MKLN1: variants seen among roughly 807,000 people sequenced by gnomAD.
MKLN1 encodes the protein muskelin 1, also known as muskelin.
MKLN1 carries 18 observed loss-of-function variants against 99.0 expected under a neutral mutation model. The observed-to-expected ratio is 0.18, with a 90% CI of 0.13 to 0.27. MKLN1 has a LOEUF of 0.27. Among genes scored for constraint, MKLN1 ranks in the 10% least tolerant of loss-of-function variants. The pLI is 1.00. For missense variants in MKLN1, 621 were observed against 875.9 expected (o/e 0.71, Z 3.67); for synonymous variants, 288 against 293.2 (o/e 0.98, Z 0.18).
intron 3 of MKLN1, among the ~76,000 whole-genome samples, chr7:131,316,332 G>T (rs1281112926): frequency 6.6e-6 from 1 of 152,202 alleles, no homozygotes; most frequent in Non-Finnish European, 1.5e-5. Flanking sequence ...AGGATGTTTA[G>T]CAAACTGCAG....
At chr7:131,157,786 G>T (rs997043258) in intron 2 of MKLN1, among the ~76,000 whole-genome samples, 1 of 152,134 alleles carries the variant, frequency 6.6e-6, no homozygotes, top group Admixed American at 6.5e-5. Context: ...AAAGAAAGAG[G>T]TAGAGAGACC....
chr7:131,327,896 C>G lies in MKLN1; in HGVS notation c.-4C>G, dbSNP rs1324064175. 3 of 1,612,248 alleles carry G rather than the reference C, an allele frequency of 1.9e-6. No individual in the cohort carries two copies. Among genetic ancestry groups the G allele is most frequent in the Non-Finnish European group, 2.5e-6 (3 of 1,179,790 alleles). On this transcript the variant is annotated 5_prime_UTR_variant, in exon 1 of 18. Coordinates refer to ENST00000352689, the MANE Select transcript of MKLN1 (RefSeq NM_013255.5). ...TCGGTGGCGGCCGCTACGGTGCTGA[C>G]AAGATGGCGGCTGGCGGAGCTGTCG...
chr7:131,191,278 A>G (rs1304374361), intron 2 of MKLN1, among the ~76,000 whole-genome samples: 1 of 152,252 alleles, frequency 6.6e-6, no homozygotes, highest in Non-Finnish European at 1.5e-5. Context: ...AGTTGCCAGA[A>G]GGCTGCTTAC....
At chr7:131,463,427 TCAAAAAAGA>T (rs1317070757) in intron 13 of MKLN1, 63 bp downstream of exon 13, 1 of 1,492,988 alleles carries the variant, frequency 6.7e-7, no homozygotes, top group African/African-American at 1.4e-5. Context: ...GTTGGTTTAT[TCAAAAAAGA>T]GAGAAATGAG....
intron 2 of MKLN1, among the ~76,000 whole-genome samples, chr7:131,147,555 A>G (rs1563231271): frequency 6.6e-6 from 1 of 151,810 alleles, no homozygotes; most frequent in African/African-American, 2.4e-5. Context: ...AATATCTGCG[A>G]CTCTGTTCTA....
intron 2 of MKLN1, among the ~76,000 whole-genome samples, chr7:131,157,189 G>A (rs1079029): frequency 0.45 from 67,806 of 151,958 alleles, 16,674 homozygotes; most frequent in Non-Finnish European, 0.57. Flanking sequence ...AAACCAGTCC[G>A]GGCAACATGG....
intron 8 of MKLN1, among the ~76,000 whole-genome samples, chr7:131,423,781 T>C (rs968084000): frequency 6.6e-6 from 1 of 152,238 alleles, no homozygotes. Flanking sequence ...AATGTGCATC[T>C]TTCTTTTACA....
chr7:131,227,459 GTTTC>G (rs1320069298), intron 3 of MKLN1, among the ~76,000 whole-genome samples: 96 of 81,136 alleles, frequency 1.2e-3, no homozygotes, highest in Admixed American at 8.1e-4. Context: ...TCTCTTCTTT[GTTTC>G]TTTCTTTCTT....
At chr7:131,428,487 G>T (rs1176430742) in intron 8 of MKLN1, among the ~76,000 whole-genome samples, 2 of 152,106 alleles carry the variant, frequency 1.3e-5, no homozygotes, top group Non-Finnish European at 2.9e-5. Flanking sequence ...CATTGTTTTT[G>T]ATATAGCAAT....
chr7:131,409,280 G>A (rs367798620), intron 6 of MKLN1, among the ~76,000 whole-genome samples: 1 of 152,336 alleles, frequency 6.6e-6, no homozygotes, highest in African/African-American at 2.4e-5. Flanking sequence ...GCAAGCGTTT[G>A]CAAGAATTAG....
chr7:131,143,231 G>A (rs1243819378), intron 2 of MKLN1, among the ~76,000 whole-genome samples: 4 of 152,180 alleles, frequency 2.6e-5, no homozygotes, highest in African/African-American at 7.2e-5. Flanking sequence ...CACTTTGGGA[G>A]GCCGAGGCCG....
intron 3 of MKLN1, among the ~76,000 whole-genome samples, chr7:131,239,448 T>G (rs1797370302): frequency 6.6e-6 from 1 of 152,064 alleles, no homozygotes; most frequent in African/African-American, 2.4e-5. Flanking sequence ...GCCTCCCAAG[T>G]AGCTAGGGCT....
intron 3 of MKLN1, among the ~76,000 whole-genome samples, chr7:131,300,337 G>A (rs1798357985): frequency 6.6e-6 from 1 of 151,870 alleles, no homozygotes; most frequent in Non-Finnish European, 1.5e-5. Context: ...AGAGTGGGGA[G>A]AGAGACAAGT....
chr7:131,353,314 A>AGT (rs1311735680), intron 1 of MKLN1, among the ~76,000 whole-genome samples: 2 of 151,858 alleles, frequency 1.3e-5, no homozygotes, highest in African/African-American at 4.8e-5. Context: ...ATAGGCATAT[A>AGT]GTGATATCTG....
Position 131,429,041 on chromosome 7 carries a change from T to A in MKLN1, c.856T>A (p.Tyr286Asn). Residue 286 changes from tyrosine (Y) to asparagine (N), a missense_variant, in exon 9 of 18, where the codon TAT becomes AAT. This residue lies in a region of MKLN1 where 361 missense variants were observed against 540.8 expected (regional missense o/e 0.67). Transcript: ENST00000352689. ...MVIDVQTETV[Y>N]LFGGWDGTQD... ...TTTTCTGATTTTCATAGAGACTGTT[T>A]ATTTGTTTGGTGGCTGGGATGGAAC... 1 of 1,613,614 alleles carries A rather than the reference T, an allele frequency of 6.2e-7. No homozygotes were observed. Among genetic ancestry groups the A allele is most frequent in the Middle Eastern group, 1.7e-4 (1 of 6,060 alleles).
chr7:131,162,272 C>T (rs1014039764), intron 2 of MKLN1, among the ~76,000 whole-genome samples: 68 of 152,004 alleles, frequency 4.5e-4, no homozygotes, highest in African/African-American at 1.6e-3. Flanking sequence ...AGGCTGGTCT[C>T]GAACTCCTGG....
At chr7:131,327,788 G>C, upstream of MKLN1, 1 of 1,449,084 alleles carries the variant, frequency 6.9e-7, no homozygotes, top group Non-Finnish European at 9.0e-7. Flanking sequence ...ATGCGGGGCG[G>C]GGAGCGCGGG....
chr7:131,129,225 A>G (rs1795512516), intron 1 of MKLN1, among the ~76,000 whole-genome samples: 1 of 152,194 alleles, frequency 6.6e-6, no homozygotes, highest in Admixed American at 6.6e-5. Flanking sequence ...ACATGGATAA[A>G]GAGTCAGGGA....
chr7:131,333,875 G>C, intron 1 of MKLN1, among the ~76,000 whole-genome samples: 1 of 152,176 alleles, frequency 6.6e-6, no homozygotes, highest in East Asian at 1.9e-4. Flanking sequence ...CCTAGATGTT[G>C]AGTTGCTGGA....
Sources: gnomAD v4.1 joint callset for allele counts (sites outside exome capture counted in the v4.1 genomes callset) on GRCh38, gnomAD v4.1.1 for gene constraint, gnomAD v4.1.1 regional missense constraint, MANE v1.5 for transcripts, NCBI Gene and HGNC (gene_info 2026-07-23, HGNC 2026-07-21) for gene names.